Variants in SSBP2 observed in about 807,000 individuals in gnomAD.
The protein encoded by SSBP2 is single-stranded DNA-binding protein 2.
In SSBP2, 17 loss-of-function variants were observed where a neutral mutation model predicts 61.8. The observed-to-expected ratio is 0.28, with a 90% confidence interval of 0.19 to 0.41. The LOEUF (loss-of-function observed/expected upper bound fraction) is 0.41, where lower values mean the gene tolerates loss of function less well. Ranked by LOEUF, SSBP2 falls within the 10% of genes least tolerant of loss-of-function variation. The pLI is 1.00. For synonymous variants in SSBP2, 139 were observed against 141.3 expected, an observed-to-expected ratio of 0.98 and a Z score of 0.12; for missense variants, 310 against 458.7, an observed-to-expected ratio of 0.68 and a Z score of 2.96.
intron 4 of SSBP2, among the ~76,000 whole-genome samples, chr5:81,579,780 G>A (rs1215458553): frequency 6.6e-6 from 1 of 152,098 alleles, no homozygotes; most frequent in African/African-American, 2.4e-5. Context: ...ACTACCTAGT[G>A]AATGAGTACT....
intron 1 of SSBP2, among the ~76,000 whole-genome samples, chr5:81,719,580 C>T (rs979906275): frequency 3.9e-5 from 6 of 152,058 alleles, no homozygotes; most frequent in African/African-American, 1.4e-4. Flanking sequence ...TTAAAATGTA[C>T]CCAGGTTTTG....
intron 1 of SSBP2, among the ~76,000 whole-genome samples, chr5:81,655,175 G>A (rs1259784185): frequency 6.6e-6 from 1 of 151,606 alleles, no homozygotes; most frequent in African/African-American, 2.4e-5. Flanking sequence ...AAAGAAAAAG[G>A]CAACATTTTA....
At chr5:81,538,666 T>A (rs1317837618) in intron 4 of SSBP2, among the ~76,000 whole-genome samples, 1 of 152,230 alleles carries the variant, frequency 6.6e-6, no homozygotes, top group African/African-American at 2.4e-5. Flanking sequence ...TTGGGGGCTT[T>A]AAGCTGAAGC....
intron 3 of SSBP2, among the ~76,000 whole-genome samples, chr5:81,623,680 G>T (rs557826411): frequency 6.6e-6 from 1 of 151,950 alleles, no homozygotes; most frequent in South Asian, 2.1e-4. Context: ...GGACTGGGGG[G>T]AAATAATTTA....
intron 14 of SSBP2, among the ~76,000 whole-genome samples, chr5:81,437,990 T>C (rs1208426231): frequency 6.6e-6 from 1 of 152,168 alleles, no homozygotes; most frequent in East Asian, 1.9e-4. Flanking sequence ...AAAATGTCTT[T>C]AAATATTATA....
rs557640401 is a variant in SSBP2, at chr5:81,455,396, G to C, written c.687+5659C>G. Among the ~76,000 whole-genome samples the C allele has an allele frequency of 5.6e-5, 3 of 53,666 alleles. 1 individual carries two copies. The highest frequency in any genetic ancestry group is 1.4e-3 in the African/African-American group (2 of 1,474). The allele number at this position is 53,666 out of a possible 152,430, so 35.2% of individuals were successfully genotyped here. On this transcript the variant is annotated intron_variant, in intron 10 of 16. Transcript: ENST00000320672. ...GCACTTTGGGAGGCCGAGGCGGGTG[G>C]ATCATGAGGTCAGGAGATCGAGACC...
chr5:81,729,897 A>C (rs1438085541), intron 1 of SSBP2, among the ~76,000 whole-genome samples: 1 of 152,144 alleles, frequency 6.6e-6, no homozygotes, highest in Non-Finnish European at 1.5e-5. Context: ...GGTCAAAATA[A>C]ATAGTTATAT....
chr5:81,583,808 T>G (rs761441506), intron 4 of SSBP2, among the ~76,000 whole-genome samples: 11 of 152,190 alleles, frequency 7.2e-5, no homozygotes, highest in African/African-American at 1.2e-4. Flanking sequence ...CCGTTCATGT[T>G]TACCCGTCAA....
intron 1 of SSBP2, among the ~76,000 whole-genome samples, chr5:81,685,052 T>C (rs1752672144): frequency 6.6e-6 from 1 of 152,046 alleles, no homozygotes; most frequent in Non-Finnish European, 1.5e-5. Context: ...CGAGATCTGA[T>C]AGTTTAAAAG....
At chr5:81,682,232 G>C (rs1752439342) in intron 1 of SSBP2, among the ~76,000 whole-genome samples, 1 of 152,080 alleles carries the variant, frequency 6.6e-6, no homozygotes, top group Non-Finnish European at 1.5e-5. Context: ...ACCAGACAAA[G>C]ACATTACAAG....
intron 1 of SSBP2, among the ~76,000 whole-genome samples, chr5:81,696,345 C>T (rs886805180): frequency 6.6e-5 from 10 of 152,188 alleles, no homozygotes; most frequent in African/African-American, 2.4e-4. Context: ...GTATCTCCTT[C>T]CTGTCACAGA....
chr5:81,644,178 T>C (rs1749062520), intron 2 of SSBP2, among the ~76,000 whole-genome samples: 1 of 152,236 alleles, frequency 6.6e-6, no homozygotes, highest in African/African-American at 2.4e-5. Flanking sequence ...AAAGTTTTAT[T>C]GAGTAGTGCT....
intron 9 of SSBP2, 46 bp from the exon 10 acceptor site, chr5:81,461,149 G>T (rs1362732532): frequency 7.1e-7 from 1 of 1,408,134 alleles, no homozygotes. Context: ...TGCTTTGAAG[G>T]TTTCACAATA....
At chr5:81,503,941 T>A (rs552114075) in intron 5 of SSBP2, among the ~76,000 whole-genome samples, 1 of 152,126 alleles carries the variant, frequency 6.6e-6, no homozygotes, top group East Asian at 1.9e-4. Context: ...TGATGAGAAC[T>A]CATGGACCCA....
intron 5 of SSBP2, among the ~76,000 whole-genome samples, chr5:81,501,212 A>AATATATAT (rs1167504052): frequency 1.2e-3 from 34 of 28,800 alleles, no homozygotes; most frequent in Admixed American, 3.1e-3. Flanking sequence ...CTCCATCTCA[A>AATATATAT]ATATATATAT....
At chr5:81,650,231 G>A in intron 2 of SSBP2, 36 bp downstream of exon 2, 1 of 1,382,316 alleles carries the variant, frequency 7.2e-7, no homozygotes. Context: ...ATTTATATAA[G>A]ATCAAAATGC....
intron 1 of SSBP2, among the ~76,000 whole-genome samples, chr5:81,715,958 T>G (rs189586508): frequency 6.6e-6 from 1 of 152,128 alleles, no homozygotes; most frequent in Non-Finnish European, 1.5e-5. Flanking sequence ...CTTGGGAGGC[T>G]GAGGCGGGAA....
intron 4 of SSBP2, among the ~76,000 whole-genome samples, chr5:81,518,734 G>A (rs1223434213): frequency 1.3e-5 from 2 of 151,960 alleles, no homozygotes; most frequent in African/African-American, 4.8e-5. Flanking sequence ...AAATATTTTG[G>A]CTATTGGTTG....
chr5:81,587,192 C>G (rs1167890737), intron 4 of SSBP2, among the ~76,000 whole-genome samples: 1 of 152,122 alleles, frequency 6.6e-6, no homozygotes, highest in Non-Finnish European at 1.5e-5. Flanking sequence ...TCAGGGTGAT[C>G]TTGGAGACCC....
Sources: allele counts gnomAD v4.1 joint callset (sites outside exome capture counted in the v4.1 genomes callset), GRCh38; gene constraint gnomAD v4.1.1; transcripts MANE v1.5; gene names NCBI Gene and HGNC (gene_info 2026-07-23, HGNC 2026-07-21).